RNF150: variants seen among roughly 807,000 people sequenced by gnomAD.
The protein encoded by RNF150 is ring finger protein 150.
RNF150 carries 24 observed loss-of-function variants against 39.3 expected under a neutral mutation model. That is an observed-to-expected ratio of 0.61 (90% CI 0.44 to 0.86). The LOEUF (loss-of-function observed/expected upper bound fraction) is 0.86. Ranked by LOEUF, RNF150 falls within the 40% of genes least tolerant of loss-of-function variation. RNF150 has a pLI of 0.00. For synonymous variants in RNF150, 255 were observed against 227.3 expected, an observed-to-expected ratio of 1.12 and a Z score of -1.10; for missense variants, 502 against 587.8, an observed-to-expected ratio of 0.85 and a Z score of 1.51.
intron 1 of RNF150, among the ~76,000 whole-genome samples, chr4:141,009,616 T>G (rs1189928278): frequency 6.6e-6 from 1 of 152,224 alleles, no homozygotes; most frequent in African/African-American, 2.4e-5. Context: ...TGTTAGTTAT[T>G]ATTATTTTCT....
chr4:141,133,653 A>G (rs79063867), upstream of RNF150, among the ~76,000 whole-genome samples: 1 of 152,024 alleles, frequency 6.6e-6, no homozygotes. Context: ...GGTAAAGAGG[A>G]AGCGACCCCT....
At chr4:140,959,383 C>T (rs1003061459) in intron 2 of RNF150, among the ~76,000 whole-genome samples, 1 of 151,998 alleles carries the variant, frequency 6.6e-6, no homozygotes, top group African/African-American at 2.4e-5. Flanking sequence ...GAAATTGGCT[C>T]CCTAAATGTG....
Position 140,967,752 on chromosome 4 carries a change from T to C in RNF150, c.606A>G (p.Lys202=). Residue 202 remains lysine (K), a synonymous_variant, in exon 2 of 7, where the codon AAA becomes AAG. Transcript: ENST00000515673. The part of the protein sequence containing the change: ...YITIGTRNLQ[K]YVSRTSVVFV... ...ACACAACCGAAGTGCGGCTCACATA[T>C]TTCTGCAAGTTCCGGGTTCCGATGG... 6.2e-7 allele frequency: 1 copy of C among 1,613,560 alleles called. No homozygotes were observed. The highest frequency in any genetic ancestry group is 1.3e-5 in the African/African-American group (1 of 74,982).
In RNF150 at chr4:141,132,826, C is replaced by A; in HGVS notation, c.-18G>T. 6.3e-7 allele frequency: 1 copy of A among 1,588,800 alleles called. No homozygotes were observed. The highest frequency in any genetic ancestry group is 1.1e-5 in the South Asian group (1 of 90,250). ...ATTGCCATCTTTATCCGCCGGGGCC[C>A]CCTCCCCGCCCCCGCGCCCTCCCTC... On this transcript the variant is annotated 5_prime_UTR_variant, in exon 1 of 7. Transcript: ENST00000515673. The surrounding 1 kb of genome is among the most constrained non-coding windows in gnomAD (Gnocchi z 4.9).
At chr4:141,173,421 T>G (rs539697602) in intron 1 of RNF150, among the ~76,000 whole-genome samples, 1 of 152,336 alleles carries the variant, frequency 6.6e-6, no homozygotes, top group South Asian at 2.1e-4. Flanking sequence ...TTCACTAACA[T>G]TATTTCAAAC....
At chr4:140,952,061 G>C (rs1394763167) in intron 2 of RNF150, among the ~76,000 whole-genome samples, 1 of 152,060 alleles carries the variant, frequency 6.6e-6, no homozygotes, top group East Asian at 1.9e-4. Flanking sequence ...CCAGGCTGGA[G>C]TGCAGTGGTG....
chr4:140,979,003 T>C (rs1232926035), intron 1 of RNF150, among the ~76,000 whole-genome samples: 1 of 152,136 alleles, frequency 6.6e-6, no homozygotes, highest in Non-Finnish European at 1.5e-5. Flanking sequence ...CAAAAAACAA[T>C]ATATAGTCGT....
chr4:141,039,564 T>C (rs1198694338), intron 1 of RNF150, among the ~76,000 whole-genome samples: 2 of 152,140 alleles, frequency 1.3e-5, no homozygotes, highest in Admixed American at 6.6e-5. Flanking sequence ...AAATAGGTGA[T>C]GAATCCTTTG....
chr4:140,935,079 AATATATATAATAAAT>A (rs1325582154), intron 4 of RNF150, among the ~76,000 whole-genome samples: 1 of 107,014 alleles, frequency 9.3e-6, no homozygotes, highest in Non-Finnish European at 1.9e-5. Context: ...ATATATATAT[AATATATATAATAAAT>A]ATATATATAA....
intron 1 of RNF150, among the ~76,000 whole-genome samples, chr4:141,159,812 G>A (rs1727480122): frequency 6.6e-6 from 1 of 152,170 alleles, no homozygotes; most frequent in African/African-American, 2.4e-5. Context: ...CCAAAGTGTT[G>A]GGATTACAGG....
intron 1 of RNF150, among the ~76,000 whole-genome samples, chr4:141,033,242 A>G (rs1364710956): frequency 1.3e-5 from 2 of 152,242 alleles, no homozygotes; most frequent in Non-Finnish European, 2.9e-5. Context: ...TGTTCACATT[A>G]TCTTCACCAG....
At chr4:141,029,969 G>A (rs187424227) in intron 1 of RNF150, among the ~76,000 whole-genome samples, 40 of 152,248 alleles carry the variant, frequency 2.6e-4, no homozygotes, top group Admixed American at 7.9e-4. Context: ...GGCCGAGGCA[G>A]GTGGATCACA....
At chr4:141,107,145 A>C (rs1739238159) in intron 1 of RNF150, among the ~76,000 whole-genome samples, 1 of 152,236 alleles carries the variant, frequency 6.6e-6, no homozygotes, top group South Asian at 2.1e-4. Context: ...TCTCTACCAC[A>C]TCATATTAAC....
At chr4:140,997,716 A>G (rs114149409) in intron 1 of RNF150, among the ~76,000 whole-genome samples, 11,078 of 151,574 alleles carry the variant, frequency 0.073, 477 homozygotes, top group Middle Eastern at 0.17. Context: ...ACACACATAT[A>G]TGTGTGTATA....
At chr4:141,020,084 G>GC (rs1323205910) in intron 1 of RNF150, among the ~76,000 whole-genome samples, 3 of 143,802 alleles carry the variant, frequency 2.1e-5, no homozygotes, top group Non-Finnish European at 1.5e-5. Context: ...AGCCAAGGGA[G>GC]TTTTTTTTTG....
chr4:140,930,232 T>C (rs548128813), intron 4 of RNF150, among the ~76,000 whole-genome samples: 37 of 152,336 alleles, frequency 2.4e-4, no homozygotes, highest in Admixed American at 5.2e-4. Context: ...CTCAAGACTA[T>C]AGCATCAGCT....
intron 6 of RNF150, among the ~76,000 whole-genome samples, chr4:140,874,581 T>C (rs924370445): frequency 1.3e-5 from 2 of 152,310 alleles, no homozygotes; most frequent in South Asian, 2.1e-4. Context: ...TTTTTGAGAC[T>C]GGGTTTCGCT....
At chr4:141,036,818 A>G (rs1736166422) in intron 1 of RNF150, among the ~76,000 whole-genome samples, 1 of 152,220 alleles carries the variant, frequency 6.6e-6, no homozygotes, top group African/African-American at 2.4e-5. Context: ...TATTTAAAAA[A>G]ACACTCAAAA....
intron 1 of RNF150, among the ~76,000 whole-genome samples, chr4:141,004,229 T>TAAAAAAAA (rs11413709): frequency 7.7e-6 from 1 of 129,556 alleles, no homozygotes. Context: ...CAGATGTTAG[T>TAAAAAAAA]AAAAAAAAAA....
Sources: allele counts gnomAD v4.1 joint callset (sites outside exome capture counted in the v4.1 genomes callset), GRCh38; gene constraint gnomAD v4.1.1; non-coding constraint Gnocchi (gnomAD v3.1); transcripts MANE v1.5; gene names NCBI Gene and HGNC (gene_info 2026-07-23, HGNC 2026-07-21).